The following SPTB variants were observed in gnomAD, a reference collection of about 807,000 sequenced individuals.
SPTB encodes spectrin beta chain, erythrocytic.
SPTB carries 45 observed loss-of-function variants against 256.2 expected under a neutral mutation model. The ratio of observed to expected loss-of-function variants is 0.18; its 90% CI spans 0.14 to 0.23. The LOEUF (loss-of-function observed/expected upper bound fraction) is 0.23. Among genes scored for constraint, SPTB ranks in the 10% least tolerant of loss-of-function variants. The pLI is 1.00. For synonymous variants in SPTB, 1,231 were observed against 1,243.1 expected, an observed-to-expected ratio of 0.99 and a Z score of 0.21; for missense variants, 2,715 against 3,040.4, an observed-to-expected ratio of 0.89 and a Z score of 2.52.
intron 32 of SPTB, among the ~76,000 whole-genome samples, chr14:64,762,856 G>A (rs1341618927): frequency 6.6e-6 from 1 of 152,216 alleles, no homozygotes; most frequent in Non-Finnish European, 1.5e-5. Flanking sequence ...TCTAGCCTTG[G>A]GGCTTGGAGG....
Position 64,879,881 on chromosome 14 carries a change from C to G in SPTB, c.-141G>C, listed in dbSNP as rs192485624. ...GAGGAGGGCAGCGCGGGGCTCCTGG[C>G]ACAGCGGCCGCCGGGCGCCTGGTGC... is the stretch of plus-strand genomic sequence containing the variant. On this transcript the variant is annotated 5_prime_UTR_variant, in exon 1 of 36. Coordinates refer to ENST00000644917, the MANE Select transcript of SPTB (RefSeq NM_001355436.2). The G allele has an allele frequency of 6.5e-6, 1 of 153,282 alleles. No individual in the cohort carries two copies. The highest frequency in any genetic ancestry group is 2.0e-4 in the East Asian group (1 of 5,124). The allele number at this position is 153,282 out of a possible 1,614,324, so 9.5% of individuals were successfully genotyped here.
At chr14:64,849,907 C>CA (rs2083754061) in intron 1 of SPTB, among the ~76,000 whole-genome samples, 1 of 152,170 alleles carries the variant, frequency 6.6e-6, no homozygotes, top group Non-Finnish European at 1.5e-5. Flanking sequence ...TCTTCAAAGA[C>CA]AAAGTTCAAC....
chr14:64,765,741 C>A (rs1317165246), intron 32 of SPTB, among the ~76,000 whole-genome samples: 2 of 152,086 alleles, frequency 1.3e-5, no homozygotes, highest in Non-Finnish European at 2.9e-5. Context: ...AGGATGGGCA[C>A]CCCCACTTCA....
chr14:64,830,334 CTTATTATTATTATTATTATTA>C (rs143669491), intron 1 of SPTB, among the ~76,000 whole-genome samples: 53 of 138,588 alleles, frequency 3.8e-4, no homozygotes, highest in East Asian at 1.7e-3. Context: ...ACTCTGGAGT[CTTATTATTATTATTATTATTA>C]TTATTATTAT....
rs1478993985 is a variant in SPTB at position 64,764,806 on chromosome 14, C to T, written c.6345+1920G>A. On this transcript the variant is annotated intron_variant, in intron 32 of 35. Transcript: ENST00000644917. The surrounding 1 kb of genome is among the most constrained non-coding windows in gnomAD (Gnocchi z 4.2). ...CTGTGCCGGCCCCCCAGAGTTCGCT[C>T]TCCTTCCGGCAGGGGCTGTTGCTGG... Among the ~76,000 whole-genome samples the T allele has an allele frequency of 2.0e-5, 3 of 152,182 alleles. No individual in the cohort carries two copies. The highest frequency in any genetic ancestry group is 1.9e-4 in the East Asian group (1 of 5,176).
chr14:64,843,296 T>C (rs1050945373), intron 1 of SPTB, among the ~76,000 whole-genome samples: 2 of 152,130 alleles, frequency 1.3e-5, no homozygotes, highest in African/African-American at 4.8e-5. Flanking sequence ...ATCTCTTCTG[T>C]GATGCCTGAG....
At chr14:64,856,137 C>T (rs1204679005) in intron 1 of SPTB, among the ~76,000 whole-genome samples, 1 of 152,232 alleles carries the variant, frequency 6.6e-6, no homozygotes, top group Non-Finnish European at 1.5e-5. Flanking sequence ...AAGCAATGTG[C>T]TAATGCTGGG....
chr14:64,752,904 A>T lies in SPTB; in HGVS notation c.6602+633T>A, dbSNP rs190167679. 3.6e-3 allele frequency among the ~76,000 whole-genome samples: 541 copies of T among 152,080 alleles called. 5 individuals are homozygous for T. The highest frequency in any genetic ancestry group is 0.013 in the African/African-American group (524 of 41,482). ...AGGCCCCTGGGGGCCCCAGGCAGAG[A>T]CAGCCCTAGATAGACCAAACCCAAG... On this transcript the variant is annotated intron_variant, in intron 33 of 35. Transcript: ENST00000644917.
In SPTB at chr14:64,827,509, T is replaced by A. The variant is rs1431715475; in HGVS notation, c.-51-4364A>T. ...CAAACCTGCTTTTAACAATTTGGTA[T>A]TGTGGCAACCCGGTCAGGAGATTAA... is the stretch of plus-strand genomic sequence containing the variant. On this transcript the variant is annotated intron_variant, in intron 1 of 35. Transcript: ENST00000644917. The surrounding 1 kb of genome is among the most constrained non-coding windows in gnomAD (Gnocchi z 4.6). Among the ~76,000 whole-genome samples, 1 of 152,236 alleles carries A rather than the reference T, an allele frequency of 6.6e-6. No individual in the cohort carries two copies. Among genetic ancestry groups the A allele is most frequent in the African/African-American group, 2.4e-5 (1 of 41,450 alleles).
intron 1 of SPTB, among the ~76,000 whole-genome samples, chr14:64,872,673 G>C (rs1385191159): frequency 2.0e-5 from 3 of 152,324 alleles, no homozygotes; most frequent in African/African-American, 7.2e-5. Flanking sequence ...CATTTGGTAT[G>C]GTTTGTCTGT....
At chr14:64,862,620 T>C (rs1335472724) in intron 1 of SPTB, among the ~76,000 whole-genome samples, 1 of 152,078 alleles carries the variant, frequency 6.6e-6, no homozygotes, top group African/African-American at 2.4e-5. Flanking sequence ...ACAACTGTAA[T>C]CCCAGCACTT....
At chr14:64,766,565 G>T (rs533187062) in intron 32 of SPTB, 161 bp downstream of exon 32, 3 of 1,581,156 alleles carry the variant, frequency 1.9e-6, no homozygotes, top group Non-Finnish European at 2.6e-6. Context: ...CAGTGAGGAC[G>T]TAGCCTGCTC....
chr14:64,811,257 T>C (rs1488716501), intron 2 of SPTB, among the ~76,000 whole-genome samples: 2 of 152,218 alleles, frequency 1.3e-5, no homozygotes, highest in Non-Finnish European at 2.9e-5. Flanking sequence ...ACCAGTAATG[T>C]GAACAAAGAG....
intron 15 of SPTB, 30 bp downstream of exon 15, chr14:64,791,689 C>G (rs1158186203): frequency 6.2e-7 from 1 of 1,613,314 alleles, no homozygotes; most frequent in Non-Finnish European, 8.5e-7. Context: ...AGAGACAATG[C>G]CCCCGCCCCA....
intron 1 of SPTB, among the ~76,000 whole-genome samples, chr14:64,870,384 A>G (rs1882458347): frequency 6.6e-6 from 1 of 152,204 alleles, no homozygotes. Context: ...AAGGAGCTGG[A>G]AGCAACCCAG....
Position 64,802,383 on chromosome 14 carries a change from C to T in SPTB, c.475-66G>A. The T allele has an allele frequency of 6.8e-7, 1 of 1,478,934 alleles. No individual in the cohort carries two copies. Among genetic ancestry groups the T allele is most frequent in the Non-Finnish European group, 9.4e-7 (1 of 1,067,228 alleles). The allele number at this position is 1,478,934 out of a possible 1,614,324, so 91.6% of individuals were successfully genotyped here. A position where few individuals can be genotyped will look rare whatever the true frequency, so the allele number is the denominator to read the frequency against. ...ATCTGGATCTGTGCTTTCCTGCCGT[C>T]CCTGGGAGGCTCCCTCCCTCATCCC... is the stretch of plus-strand genomic sequence containing the variant. On this transcript the variant is annotated intron_variant, in intron 4 of 35. Transcript: ENST00000644917. This position sits in a 1 kb window ranked among gnomAD's most constrained non-coding sequence, Gnocchi z 5.1.
chr14:64,854,274 C>CTTTTTTTTT (rs1206368948), intron 1 of SPTB, among the ~76,000 whole-genome samples: 2 of 73,284 alleles, frequency 2.7e-5, no homozygotes, highest in African/African-American at 5.4e-5. Flanking sequence ...TTTCCAAACT[C>CTTTTTTTTT]TTTTTTTTTT....
chr14:64,782,178 G>A (rs2082483180), intron 20 of SPTB, 112 bp downstream of exon 20: 8 of 1,485,396 alleles, frequency 5.4e-6, no homozygotes, highest in Non-Finnish European at 7.5e-6. Flanking sequence ...GTTTATCTAT[G>A]TGACAAACCT....
rs1178110906 is a variant in SPTB at position 64,796,689 on chromosome 14, C to T, written c.1209G>A (p.Glu403=). The T allele has an allele frequency of 3.7e-6, 6 of 1,614,240 alleles. No homozygotes were observed. Among genetic ancestry groups the T allele is most frequent in the African/African-American group, 1.3e-5 (1 of 75,062 alleles). ...TTCTCAGGGCCAGCTCCCGCCGATA[C>T]TCAGCTTCCTCCAGGCTTTCCCAGG... ...NRAWESLEEA[E]YRRELALRNE... The change falls in exon 11 of 36, where the codon GAG becomes GAA. Residue 403 remains glutamate, a synonymous_variant. Coordinates refer to ENST00000644917, the MANE Select transcript of SPTB (RefSeq NM_001355436.2). This position sits in a 1 kb window ranked among gnomAD's most constrained non-coding sequence, Gnocchi z 4.1.
Sources: allele counts gnomAD v4.1 joint callset (sites outside exome capture counted in the v4.1 genomes callset), GRCh38; gene constraint gnomAD v4.1.1; non-coding constraint Gnocchi (gnomAD v3.1); transcripts MANE v1.5; gene names NCBI Gene and HGNC (gene_info 2026-07-23, HGNC 2026-07-21).